Variants in CCDC149 observed in about 807,000 individuals in gnomAD.
CCDC149 encodes the protein coiled-coil domain-containing protein 149.
Under a neutral mutation model 59.9 loss-of-function variants are expected in CCDC149, and 45 were observed. The observed-to-expected ratio is 0.75, with a 90% CI of 0.59 to 0.96. CCDC149 has a LOEUF of 0.96. CCDC149 is among the 40% of genes least tolerant of loss of function. The pLI, the probability that CCDC149 is intolerant of heterozygous loss-of-function variation, is 0.00. For synonymous variants in CCDC149, 245 were observed against 260.6 expected (o/e 0.94, Z 0.58); for missense variants, 584 against 664.7 (o/e 0.88, Z 1.33).
chr4:24,846,166 T>C (rs1032316866), intron 4 of CCDC149, among the ~76,000 whole-genome samples: 2 of 152,202 alleles, frequency 1.3e-5, no homozygotes, highest in Non-Finnish European at 2.9e-5. Flanking sequence ...CCAATTCACT[T>C]ATGAATAAAA....
chr4:24,961,920 A>G (rs1313215623), intron 1 of CCDC149, among the ~76,000 whole-genome samples: 2 of 152,022 alleles, frequency 1.3e-5, no homozygotes, highest in African/African-American at 4.8e-5. Context: ...CATGTCTAAA[A>G]CACCAAAAGC....
chr4:24,945,077 C>A (rs1485184409), intron 1 of CCDC149, among the ~76,000 whole-genome samples: 1 of 152,202 alleles, frequency 6.6e-6, no homozygotes, highest in African/African-American at 2.4e-5. Flanking sequence ...GGTTCCAAAT[C>A]CCCGAATGGG....
intron 3 of CCDC149, among the ~76,000 whole-genome samples, chr4:24,870,176 T>G (rs1480756309): frequency 6.6e-6 from 1 of 152,224 alleles, no homozygotes; most frequent in Non-Finnish European, 1.5e-5. Flanking sequence ...AATATAAGCC[T>G]ATCCCCAAAA....
intron 1 of CCDC149, among the ~76,000 whole-genome samples, chr4:24,877,121 T>G (rs1428238178): frequency 2.6e-5 from 4 of 152,192 alleles, no homozygotes; most frequent in African/African-American, 7.2e-5. Flanking sequence ...AAATTTTTCT[T>G]GATGCTTTTC....
At chr4:24,858,508 T>C (rs1478913783) in intron 3 of CCDC149, among the ~76,000 whole-genome samples, 1 of 152,190 alleles carries the variant, frequency 6.6e-6, no homozygotes, top group East Asian at 1.9e-4. Context: ...AATCCATATA[T>C]TTAAGTCACT....
chr4:24,941,386 C>T (rs1190093414), intron 1 of CCDC149, among the ~76,000 whole-genome samples: 1 of 152,158 alleles, frequency 6.6e-6, no homozygotes, highest in Non-Finnish European at 1.5e-5. Context: ...CTCTGGGACA[C>T]ATTCAAAGCA....
chr4:24,855,979 G>C (rs1717979505), intron 3 of CCDC149, among the ~76,000 whole-genome samples: 2 of 152,222 alleles, frequency 1.3e-5, no homozygotes, highest in African/African-American at 4.8e-5. Flanking sequence ...TCTCCCATCT[G>C]TAAGACAGAG....
chr4:24,837,414 GA>G lies in CCDC149; in HGVS notation c.490-15del, dbSNP rs756621811. ...CAGAGACTCAATCTAAAACCACAGG[GA>G]GAGCCCTTACTCAAGATGTTCCTCA... On this transcript the variant is annotated splice_polypyrimidine_tract_variant and intron_variant, in intron 5 of 12. Transcript: ENST00000635206. The surrounding 1 kb of genome is among the most constrained non-coding windows in gnomAD (Gnocchi z 4.3). The G allele has an allele frequency of 6.2e-7, 1 of 1,613,444 alleles. No individual in the cohort carries two copies. Among genetic ancestry groups the G allele is most frequent in the South Asian group, 1.1e-5 (1 of 90,984 alleles).
chr4:24,921,854 TC>T (rs1006748815), intron 1 of CCDC149, among the ~76,000 whole-genome samples: 11 of 152,154 alleles, frequency 7.2e-5, no homozygotes, highest in Non-Finnish European at 1.2e-4. Context: ...CACCCCCTAT[TC>T]CCCGCTCTTG....
At chr4:24,822,454 G>GAAA in intron 10 of CCDC149, 43 bp downstream of exon 10, 12 of 1,006,040 alleles carry the variant, frequency 1.2e-5, no homozygotes, top group Admixed American at 3.8e-5. Flanking sequence ...TTAAAAAAAA[G>GAAA]AAAAAAAAAA....
chr4:24,808,342 C>A lies in CCDC149; in HGVS notation c.*47G>T. ...ACCATTCCGATGCTTCATTCTTGAC[C>A]CTCTCTGGGGCTTTCAATGTGTCAT... On this transcript the variant is annotated 3_prime_UTR_variant, in exon 13 of 13. Coordinates refer to ENST00000635206, the MANE Select transcript of CCDC149 (RefSeq NM_001330643.2). 7.1e-7 allele frequency: 1 copy of A among 1,408,410 alleles called. No homozygotes were observed. 87.2% of individuals were successfully genotyped at this position (1,408,410 alleles called of 1,614,324 possible).
chr4:24,813,910 A>G (rs752431919), intron 12 of CCDC149, among the ~76,000 whole-genome samples: 24 of 152,238 alleles, frequency 1.6e-4, no homozygotes, highest in Admixed American at 6.5e-4. Flanking sequence ...AGACAGAAGC[A>G]GCGATGTGAT....
chr4:24,972,109 C>T (rs1329434177), intron 1 of CCDC149, among the ~76,000 whole-genome samples: 1 of 152,102 alleles, frequency 6.6e-6, no homozygotes, highest in Non-Finnish European at 1.5e-5. Context: ...TGGGCACATT[C>T]TCAGAATCTA....
At chr4:24,812,313 A>T (rs1714667527) in intron 12 of CCDC149, among the ~76,000 whole-genome samples, 1 of 152,146 alleles carries the variant, frequency 6.6e-6, no homozygotes, top group African/African-American at 2.4e-5. Context: ...CTCTGAGGGC[A>T]CTTCCCCCAG....
intron 1 of CCDC149, among the ~76,000 whole-genome samples, chr4:24,963,080 C>T (rs935264131): frequency 2.0e-5 from 3 of 152,046 alleles, no homozygotes; most frequent in Admixed American, 1.3e-4. Flanking sequence ...ACTTTCATTA[C>T]TCCAGCCAAA....
chr4:24,835,824 A>G (rs1312731385), intron 7 of CCDC149, among the ~76,000 whole-genome samples: 1 of 152,140 alleles, frequency 6.6e-6, no homozygotes, highest in Admixed American at 6.5e-5. Flanking sequence ...AAGAGAAATC[A>G]ATCTACTTTC....
Position 24,865,793 on chromosome 4 carries a change from T to A in CCDC149, c.264+7888A>T, listed in dbSNP as rs769167525. Among the ~76,000 whole-genome samples, 3 of 152,310 alleles carry A rather than the reference T, an allele frequency of 2.0e-5. No homozygotes were observed. In the South Asian group the frequency reaches 6.2e-4, roughly 32 times the overall value. The stretch of plus-strand genomic sequence containing the variant: ...GTTCTTTAGACTCATTGAGCCTAAA[T>A]TTCCTCATCTATAAATCGGGGGGTG... On this transcript the variant is annotated intron_variant, in intron 3 of 12. Transcript: ENST00000635206.
rs1716157432 is a variant in CCDC149, at chr4:24,831,608, G to T, written c.863C>A (p.Ala288Asp). The change falls in exon 9 of 13, where the codon GCT becomes GAT. Residue 288 changes from alanine to aspartate, a missense_variant. Transcript: ENST00000635206. The stretch of plus-strand genomic sequence containing the variant: ...CAGGTCAGAAATGGACTGCGGAGTA[G>T]CTGGGAGGCTGCATCCATGATCCTC... The T allele has an allele frequency of 3.1e-6, 5 of 1,614,038 alleles. No individual in the cohort carries two copies. The highest frequency in any genetic ancestry group is 2.5e-6 in the Non-Finnish European group (3 of 1,179,946).
chr4:24,878,628 G>A (rs1040823205), intron 1 of CCDC149, among the ~76,000 whole-genome samples: 22 of 152,126 alleles, frequency 1.4e-4, no homozygotes, highest in Non-Finnish European at 2.8e-4. Flanking sequence ...TCAGCACTGT[G>A]AGTATCGGTG....
Sources: gnomAD v4.1 joint callset for allele counts (sites outside exome capture counted in the v4.1 genomes callset) on GRCh38, gnomAD v4.1.1 for gene constraint, Gnocchi (gnomAD v3.1) non-coding constraint, MANE v1.5 for transcripts, NCBI Gene and HGNC (gene_info 2026-07-23, HGNC 2026-07-21) for gene names.